Variants in RAB14 observed in about 807,000 individuals in gnomAD.
RAB14 encodes ras-related protein Rab-14.
Under a neutral mutation model 31.1 loss-of-function variants are expected in RAB14, and 3 were observed. The ratio of observed to expected loss-of-function variants is 0.10; its 90% CI spans 0.04 to 0.25. RAB14 has a LOEUF of 0.25. RAB14 is among the 10% of genes least tolerant of loss of function. The pLI, the probability that RAB14 is intolerant of heterozygous loss-of-function variation, is 1.00. For missense variants in RAB14, 111 were observed against 260.1 expected (o/e 0.43, Z 3.94); for synonymous variants, 85 against 84.9 (o/e 1.00, Z 0.00).
intron 4 of RAB14, among the ~76,000 whole-genome samples, chr9:121,190,031 T>C (rs899702640): frequency 2.0e-5 from 3 of 152,150 alleles, no homozygotes; most frequent in Non-Finnish European, 4.4e-5. Flanking sequence ...ACCTACTGCA[T>C]GTAGTATTTG....
chr9:121,191,511 A>T (rs2053686571), intron 3 of RAB14, among the ~76,000 whole-genome samples: 1 of 152,098 alleles, frequency 6.6e-6, no homozygotes, highest in African/African-American at 2.4e-5. Context: ...TGGCTAACAT[A>T]TACTACTTAT....
At chr9:121,185,078 T>C (rs2053651998) in intron 5 of RAB14, among the ~76,000 whole-genome samples, 1 of 152,150 alleles carries the variant, frequency 6.6e-6, no homozygotes, top group African/African-American at 2.4e-5. Context: ...CTATAGAAAA[T>C]GGAGCACTTA....
chr9:121,189,208 CT>C (rs2053673915), intron 4 of RAB14, among the ~76,000 whole-genome samples: 1 of 152,000 alleles, frequency 6.6e-6, no homozygotes, highest in Non-Finnish European at 1.5e-5. Flanking sequence ...GATGCATGTT[CT>C]GGTTGTTCCC....
chr9:121,195,085 T>C (rs984095750), intron 1 of RAB14, among the ~76,000 whole-genome samples: 3 of 152,130 alleles, frequency 2.0e-5, no homozygotes, highest in Admixed American at 6.6e-5. Flanking sequence ...TTCCAGGCAC[T>C]AGGAACTCAA....
intron 7 of RAB14, among the ~76,000 whole-genome samples, chr9:121,182,483 T>C (rs184131489): frequency 3.9e-5 from 6 of 152,316 alleles, no homozygotes; most frequent in African/African-American, 1.4e-4. Context: ...ATAGCAGACA[T>C]GGAAGAACAA....
chr9:121,193,222 T>TA, intron 2 of RAB14, 139 bp downstream of exon 2: 1 of 591,266 alleles, frequency 1.7e-6, no homozygotes, highest in Non-Finnish European at 2.9e-6. Flanking sequence ...AATGCAAAAA[T>TA]AAATCTTATA....
chr9:121,194,215 T>A (rs2053702854), intron 1 of RAB14, among the ~76,000 whole-genome samples: 3 of 151,986 alleles, frequency 2.0e-5, no homozygotes, highest in African/African-American at 7.3e-5. Flanking sequence ...GTGCTAGGAT[T>A]ACAGGCATGA....
intron 4 of RAB14, among the ~76,000 whole-genome samples, chr9:121,189,826 T>C (rs967599379): frequency 6.6e-6 from 1 of 152,144 alleles, no homozygotes; most frequent in African/African-American, 2.4e-5. Flanking sequence ...CACATTGCTT[T>C]TGACTGGCAC....
rs948063862 is a variant in RAB14 at position 121,180,308 on chromosome 9, A to G, written c.*1088T>C. The G allele has an allele frequency of 1.3e-5, 2 of 152,698 alleles. No homozygotes were observed. Among genetic ancestry groups the G allele is most frequent in the Non-Finnish European group, 2.9e-5 (2 of 68,042 alleles). 9.5% of individuals were successfully genotyped at this position (152,698 alleles called of 1,614,324 possible). ...AAGGTATAAAAGCTTAAAATGTGCAATAGTAAACCCAGCCTTTTTTCTTTT... is the reference window on the plus strand; with the variant it reads ...AAGGTATAAAAGCTTAAAATGTGCAGTAGTAAACCCAGCCTTTTTTCTTTT... On this transcript the variant is annotated 3_prime_UTR_variant, in exon 8 of 8. Coordinates refer to ENST00000373840, the MANE Select transcript of RAB14 (RefSeq NM_016322.4).
Position 121,178,287 on chromosome 9 carries a change from A to G in RAB14, c.*3109T>C, listed in dbSNP as rs2053608587. ...AAGGCATCTTTCAAAACAAAACTTG[A>G]TTTCTTTTGTATTTACATTTTTTGT... On this transcript the variant is annotated 3_prime_UTR_variant, in exon 8 of 8. Transcript: ENST00000373840. The G allele has an allele frequency of 6.6e-6, 1 of 152,226 alleles. No individual in the cohort carries two copies. Among genetic ancestry groups the G allele is most frequent in the South Asian group, 2.1e-4 (1 of 4,838 alleles). 9.4% of individuals were successfully genotyped at this position (152,226 alleles called of 1,614,324 possible).
Position 121,192,241 on chromosome 9 carries a change from A to G in RAB14, c.53-17T>C, listed in dbSNP as rs750372372. On this transcript the variant is annotated splice_polypyrimidine_tract_variant and intron_variant, in intron 2 of 7. Transcript: ENST00000373840. ...CCATGTCCCCTGTTTAAAAAAAAAG[A>G]AGTTTCAGGTGGCAATTACATTTCT... 2.5e-6 allele frequency: 4 copies of G among 1,576,540 alleles called. No individual in the cohort carries two copies. Among genetic ancestry groups the G allele is most frequent in the Middle Eastern group, 3.4e-4 (2 of 5,948 alleles).
At chr9:121,193,227 C>A in intron 2 of RAB14, 134 bp downstream of exon 2, 1 of 604,216 alleles carries the variant, frequency 1.7e-6, no homozygotes. Flanking sequence ...AAAAATAAAT[C>A]TTATAAAAGG....
intron 3 of RAB14, 132 bp from the exon 4 acceptor site, chr9:121,190,863 T>TA (rs894742656): frequency 0.012 from 8,416 of 706,898 alleles, no homozygotes; most frequent in South Asian, 0.016. Context: ...AAGCTACCGC[T>TA]AAAAAAAAAA....
intron 7 of RAB14, among the ~76,000 whole-genome samples, chr9:121,182,261 GAAT>G (rs1227947745): frequency 1.3e-5 from 2 of 152,222 alleles, no homozygotes; most frequent in Admixed American, 6.5e-5. Flanking sequence ...AAAATTCCAA[GAAT>G]AATATGGTCT....
intron 1 of RAB14, among the ~76,000 whole-genome samples, chr9:121,198,668 A>G (rs2053732246): frequency 6.6e-6 from 1 of 152,252 alleles, no homozygotes; most frequent in South Asian, 2.1e-4. Context: ...TAGTTCCAAC[A>G]TAAACATATC....
intron 3 of RAB14, among the ~76,000 whole-genome samples, chr9:121,191,741 C>T (rs984598111): frequency 1.3e-4 from 20 of 152,222 alleles, no homozygotes; most frequent in African/African-American, 4.8e-4. Flanking sequence ...CTATATTTAG[C>T]ATATCAGTTA....
intron 7 of RAB14, 119 bp downstream of exon 7, chr9:121,182,811 A>G: frequency 1.6e-6 from 1 of 610,646 alleles, no homozygotes; most frequent in Non-Finnish European, 2.6e-6. Flanking sequence ...TGCAGTAAGC[A>G]TTACACATTT....
chr9:121,189,200 T>G (rs1368178904), intron 4 of RAB14, among the ~76,000 whole-genome samples: 2 of 152,118 alleles, frequency 1.3e-5, no homozygotes, highest in Admixed American at 6.6e-5. Context: ...CATCAGTTGA[T>G]GCATGTTCTG....
intron 4 of RAB14, among the ~76,000 whole-genome samples, chr9:121,190,000 G>T (rs184367397): frequency 6.6e-6 from 1 of 152,176 alleles, no homozygotes; most frequent in East Asian, 1.9e-4. Context: ...TCCAGAAACA[G>T]TCATGTTGAA....
Sources: allele counts gnomAD v4.1 joint callset (sites outside exome capture counted in the v4.1 genomes callset), GRCh38; gene constraint gnomAD v4.1.1; transcripts MANE v1.5; gene names NCBI Gene and HGNC (gene_info 2026-07-23, HGNC 2026-07-21).